PLEKHA7: variants seen among roughly 807,000 people sequenced by gnomAD.
PLEKHA7 encodes the protein pleckstrin homology domain-containing family A member 7.
Under a neutral mutation model 170.0 loss-of-function variants are expected in PLEKHA7, and 104 were observed. The observed-to-expected ratio is 0.61, with a 90% CI of 0.52 to 0.72. The LOEUF is 0.72. Ranked by LOEUF, PLEKHA7 falls within the 30% of genes least tolerant of loss-of-function variation. The pLI is 0.00. For missense variants in PLEKHA7, 1,615 were observed against 1,671.7 expected (o/e 0.97, Z 0.59); for synonymous variants, 648 against 660.8 (o/e 0.98, Z 0.30).
chr11:16,874,924 C>G (rs1309558405), intron 3 of PLEKHA7, among the ~76,000 whole-genome samples: 1 of 152,234 alleles, frequency 6.6e-6, no homozygotes, highest in Non-Finnish European at 1.5e-5. Context: ...ATAGCAACTC[C>G]TGGGCTCCCC....
rs771042353 is a variant in PLEKHA7, at chr11:16,854,923, A to C, written c.488T>G (p.Val163Gly). The change falls in exon 6 of 27, where the codon GTT (valine) becomes GGT (glycine). Residue 163 changes from valine (V) to glycine (G), a missense_variant. Val to Gly is a moderately radical substitution (Grantham distance 109). Transcript: ENST00000531066. ...CAGCCAGCCCCTCACCACCACGGGAACATTGGGGTTCCTCCGAATGGCCTG... is the reference window on the plus strand; with the variant it reads ...CAGCCAGCCCCTCACCACCACGGGACCATTGGGGTTCCTCCGAATGGCCTG... ...RDQAIRRNPNVPVVVRGWLHK... is the reference protein window; with the variant it reads ...RDQAIRRNPNGPVVVRGWLHK... The C allele has an allele frequency of 1.2e-6, 2 of 1,614,032 alleles. No homozygotes were observed. The highest frequency in any genetic ancestry group is 1.7e-6 in the Non-Finnish European group (2 of 1,179,946).
rs776227579 is a variant in PLEKHA7, at chr11:16,854,943, G to A, written c.468C>T (p.Ala156=). The A allele has an allele frequency of 1.2e-6, 2 of 1,613,960 alleles. No homozygotes were observed. The highest frequency in any genetic ancestry group is 2.7e-5 in the African/African-American group (2 of 74,896). Residue 156 remains alanine (A), a synonymous_variant, in exon 6 of 27, where the codon GCC becomes GCT. Transcript: ENST00000531066. The part of the protein sequence containing the change: ...KVHSFGKRDQ[A]IRRNPNVPVV... The stretch of plus-strand genomic sequence containing the variant: ...CGGGAACATTGGGGTTCCTCCGAAT[G>A]GCCTGGTCTCTCTTCCCAAAGCTGT...
intron 3 of PLEKHA7, among the ~76,000 whole-genome samples, chr11:16,929,234 C>A (rs1016147446): frequency 6.6e-6 from 1 of 152,108 alleles, no homozygotes; most frequent in Non-Finnish European, 1.5e-5. Flanking sequence ...GAAAGTACAT[C>A]GTCGCTAGGA....
intron 3 of PLEKHA7, among the ~76,000 whole-genome samples, chr11:16,907,484 C>T (rs1328478342): frequency 1.5e-4 from 17 of 117,076 alleles, no homozygotes; most frequent in Admixed American, 3.1e-4. Flanking sequence ...CCCCTCTGCC[C>T]GGCCAGCCGC....
intron 8 of PLEKHA7, among the ~76,000 whole-genome samples, chr11:16,849,309 GTTACT>G (rs1167206136): frequency 6.6e-6 from 1 of 152,204 alleles, no homozygotes; most frequent in Non-Finnish European, 1.5e-5. Flanking sequence ...GTTATGATAT[GTTACT>G]TTAAAGACAT....
intron 4 of PLEKHA7, among the ~76,000 whole-genome samples, chr11:16,861,427 C>T (rs1030943998): frequency 3.3e-5 from 5 of 151,594 alleles, no homozygotes; most frequent in Non-Finnish European, 5.9e-5. Context: ...CCAAGGCAAG[C>T]GGATCGCTTG....
intron 4 of PLEKHA7, among the ~76,000 whole-genome samples, chr11:16,860,427 T>A (rs2135525092): frequency 6.6e-6 from 1 of 152,192 alleles, no homozygotes; most frequent in South Asian, 2.1e-4. Flanking sequence ...AATGAAGGAA[T>A]CAGAGCAAGA....
chr11:16,787,883 C>T (rs1442379754), intron 23 of PLEKHA7: 7 of 152,328 alleles, frequency 4.6e-5, no homozygotes, highest in Admixed American at 1.3e-4. Flanking sequence ...CTGGGCCTTA[C>T]CCCTTTGGTG....
chr11:16,944,102 C>A (rs1860864426), intron 3 of PLEKHA7, among the ~76,000 whole-genome samples: 1 of 152,038 alleles, frequency 6.6e-6, no homozygotes, highest in African/African-American at 2.4e-5. Context: ...ACCTGAAATC[C>A]CAGCACTTTC....
chr11:16,903,544 G>A (rs1205112465), intron 3 of PLEKHA7, among the ~76,000 whole-genome samples: 1 of 152,030 alleles, frequency 6.6e-6, no homozygotes, highest in Non-Finnish European at 1.5e-5. Context: ...CAACACTCAG[G>A]GATTATGGAT....
At chr11:16,813,211 G>A in intron 12 of PLEKHA7, 45 bp from the exon 13 acceptor site, 1 of 1,534,720 alleles carries the variant, frequency 6.5e-7, no homozygotes, top group East Asian at 2.3e-5. Flanking sequence ...TGAACACCAA[G>A]AGTTTCCATA....
At chr11:16,953,363 A>G (rs749692482) in intron 3 of PLEKHA7, among the ~76,000 whole-genome samples, 9 of 152,256 alleles carry the variant, frequency 5.9e-5, no homozygotes, top group Non-Finnish European at 1.3e-4. Context: ...AAGTTATAAG[A>G]AAGTTCTTTT....
At chr11:16,840,930 T>C (rs1285632547) in intron 9 of PLEKHA7, among the ~76,000 whole-genome samples, 1 of 152,166 alleles carries the variant, frequency 6.6e-6, no homozygotes, top group Non-Finnish European at 1.5e-5. Context: ...CACTTGAGTT[T>C]TGAGGCCTCA....
chr11:16,782,201 GTTAT>G (rs1320285104), intron 26 of PLEKHA7, among the ~76,000 whole-genome samples: 2 of 151,754 alleles, frequency 1.3e-5, no homozygotes, highest in Non-Finnish European at 2.9e-5. Flanking sequence ...ATCCCATGGT[GTTAT>G]TTTTTTCCAA....
At chr11:16,986,699 C>A (rs1012605512) in intron 3 of PLEKHA7, among the ~76,000 whole-genome samples, 1 of 152,294 alleles carries the variant, frequency 6.6e-6, no homozygotes, top group Non-Finnish European at 1.5e-5. Flanking sequence ...CCTGAGTAAC[C>A]TTGGGCAGGT....
chr11:16,973,774 C>A (rs1378084639), intron 3 of PLEKHA7, among the ~76,000 whole-genome samples: 1 of 152,118 alleles, frequency 6.6e-6, no homozygotes, highest in Non-Finnish European at 1.5e-5. Flanking sequence ...TGCCCTCCAA[C>A]CTGAGTCTCC....
rs1201203475 is a variant in PLEKHA7 at position 16,786,452 on chromosome 11, C to A, written c.3358-65G>T. On this transcript the variant is annotated intron_variant, in intron 23 of 26. Coordinates refer to ENST00000531066, the MANE Select transcript of PLEKHA7 (RefSeq NM_001329630.2). ...ATTGCTGAAAGAGCCCGGCTGGTCA[C>A]CTTTTTCCATGGGGTCCTTTGGAAG... 2.0e-6 allele frequency: 3 copies of A among 1,529,164 alleles called. No individual in the cohort carries two copies. In the African/African-American group the frequency reaches 4.1e-5, roughly 21 times the overall value. The allele number at this position is 1,529,164 out of a possible 1,614,324, so 94.7% of individuals were successfully genotyped here. A position where few individuals can be genotyped will look rare whatever the true frequency, so the allele number is the denominator to read the frequency against.
At chr11:16,836,870 C>T (rs1266919796) in intron 9 of PLEKHA7, among the ~76,000 whole-genome samples, 2 of 151,576 alleles carry the variant, frequency 1.3e-5, no homozygotes, top group African/African-American at 2.4e-5. Flanking sequence ...GTCGCCCAGG[C>T]TGGAATGCAA....
intron 3 of PLEKHA7, among the ~76,000 whole-genome samples, chr11:16,931,965 T>C (rs955715070): frequency 3.3e-5 from 5 of 152,170 alleles, no homozygotes; most frequent in East Asian, 1.9e-4. Context: ...AGGATGAAGA[T>C]GGTATACCTT....
Sources: gnomAD v4.1 joint callset for allele counts (sites outside exome capture counted in the v4.1 genomes callset) on GRCh38, gnomAD v4.1.1 for gene constraint, MANE v1.5 for transcripts, NCBI Gene and HGNC (gene_info 2026-07-23, HGNC 2026-07-21) for gene names.